STK38L: variants seen among roughly 807,000 people sequenced by gnomAD.
STK38L encodes the protein serine/threonine kinase 38 like.
Under a neutral mutation model 59.7 loss-of-function variants are expected in STK38L, and 28 were observed. That is an observed-to-expected ratio of 0.47 (90% CI 0.35 to 0.64). The LOEUF (loss-of-function observed/expected upper bound fraction) is 0.64, where lower values mean the gene tolerates loss of function less well. Ranked by LOEUF, STK38L falls within the 30% of genes least tolerant of loss-of-function variation. The pLI is 0.01. For synonymous variants in STK38L, 162 were observed against 176.8 expected, an observed-to-expected ratio of 0.92 and a Z score of 0.66; for missense variants, 314 against 555.8, an observed-to-expected ratio of 0.56 and a Z score of 4.37.
chr12:27,272,436 C>G (rs1308929704), intron 1 of STK38L, among the ~76,000 whole-genome samples: 1 of 152,126 alleles, frequency 6.6e-6, no homozygotes, highest in East Asian at 1.9e-4. Context: ...CTTTGTTTTC[C>G]TTTTGATTTC....
intron 3 of STK38L, among the ~76,000 whole-genome samples, chr12:27,307,013 G>GCCA (rs763053831): frequency 3.9e-5 from 6 of 152,136 alleles, no homozygotes; most frequent in Non-Finnish European, 7.3e-5. Flanking sequence ...ATAGGCGTGA[G>GCCA]CCACCACACC....
chr12:27,322,642 C>T lies in STK38L; in HGVS notation c.*187C>T, dbSNP rs1944758407. Reference sequence around the variant, plus strand: ...AATTGGTTGGCAGTGCCAGCTGGCTCTTTTTTTTAATATTTTATTATTTTT... The same window carrying T: ...AATTGGTTGGCAGTGCCAGCTGGCTTTTTTTTTTAATATTTTATTATTTTT... On this transcript the variant is annotated 3_prime_UTR_variant, in exon 14 of 14. Transcript: ENST00000389032. The T allele has an allele frequency of 3.5e-6, 2 of 573,394 alleles. No individual in the cohort carries two copies. Among genetic ancestry groups the T allele is most frequent in the Non-Finnish European group, 5.4e-6 (2 of 373,094 alleles). 35.5% of individuals were successfully genotyped at this position (573,394 alleles called of 1,614,324 possible). A position where few individuals can be genotyped will look rare whatever the true frequency, so the allele number is the denominator to read the frequency against.
rs189990264 is a variant in STK38L at position 27,304,250 on chromosome 12, G to A, written c.186+2062G>A. Among the ~76,000 whole-genome samples, 809 of 119,720 alleles carry A rather than the reference G, an allele frequency of 6.8e-3. 15 individuals carry two copies. The highest frequency in any genetic ancestry group is 0.025 in the African/African-American group (749 of 30,042). The allele number at this position is 119,720 out of a possible 152,430, so 78.5% of individuals were successfully genotyped here. On this transcript the variant is annotated intron_variant, in intron 3 of 13. Coordinates refer to ENST00000389032, the MANE Select transcript of STK38L (RefSeq NM_015000.4). The stretch of plus-strand genomic sequence containing the variant: ...CTCCAGCCTGGGTGACAGGGTGAGA[G>A]TCTGTCTCAAAAAAAAAAAAAAAAA...
chr12:27,319,186 C>T, intron 11 of STK38L, 142 bp from the exon 12 acceptor site: 1 of 563,792 alleles, frequency 1.8e-6, no homozygotes, highest in South Asian at 2.7e-5. Flanking sequence ...TTATTTTCTT[C>T]CACATTTCCT....
In STK38L at chr12:27,254,740, G is replaced by GA. The variant is rs59906970; in HGVS notation, c.-12+10411dup. ...AAAAGATCATGGGCACTCTCAGGAG[G>GA]AAAGTGAAAGGAACAGAAGGAGGAA... is the stretch of plus-strand genomic sequence containing the variant. On this transcript the variant is annotated intron_variant, in intron 1 of 13. Transcript: ENST00000389032. 3.6e-3 allele frequency among the ~76,000 whole-genome samples: 549 copies of GA among 152,266 alleles called. 29 individuals carry two copies. In the East Asian group the frequency reaches 0.088, roughly 24 times the overall value.
At chr12:27,293,915 T>C (rs1371757294) in intron 1 of STK38L, among the ~76,000 whole-genome samples, 1 of 152,264 alleles carries the variant, frequency 6.6e-6, no homozygotes, top group Non-Finnish European at 1.5e-5. Context: ...AACCACTTTA[T>C]AAATTTTTAT....
At chr12:27,304,513 T>A (rs1944261839) in intron 3 of STK38L, among the ~76,000 whole-genome samples, 1 of 152,146 alleles carries the variant, frequency 6.6e-6, no homozygotes, top group African/African-American at 2.4e-5. Flanking sequence ...ATTATTTACA[T>A]GTCATTAATA....
At chr12:27,246,180 A>G (rs542603021) in intron 1 of STK38L, among the ~76,000 whole-genome samples, 6 of 152,360 alleles carry the variant, frequency 3.9e-5, no homozygotes, top group Non-Finnish European at 7.3e-5. Context: ...CTAAAAAATG[A>G]TAACAAAGCA....
rs1470477083 is a variant in STK38L, at chr12:27,281,330, C to T, written c.-11-16380C>T. Among the ~76,000 whole-genome samples the T allele has an allele frequency of 5.3e-4, 2 of 3,760 alleles. 1 individual carries two copies. Among genetic ancestry groups the T allele is most frequent in the Admixed American group, 2.6e-3 (2 of 768 alleles). 2.5% of individuals were successfully genotyped at this position (3,760 alleles called of 152,430 possible). A position where few individuals can be genotyped will look rare whatever the true frequency, so the allele number is the denominator to read the frequency against. On this transcript the variant is annotated intron_variant, in intron 1 of 13. Coordinates refer to ENST00000389032, the MANE Select transcript of STK38L (RefSeq NM_015000.4). ...TCGATCTCCTGACCTCGTGATCCGC[C>T]CGCCTCGGCCTCCCAAAGTGCTGGG...
intron 1 of STK38L, among the ~76,000 whole-genome samples, chr12:27,282,702 T>A (rs1208287307): frequency 6.6e-6 from 1 of 152,166 alleles, no homozygotes; most frequent in Non-Finnish European, 1.5e-5. Context: ...CAATTGCACA[T>A]CTGGAAGTAT....
intron 1 of STK38L, among the ~76,000 whole-genome samples, chr12:27,287,334 T>C (rs555141951): frequency 6.6e-6 from 1 of 152,248 alleles, no homozygotes; most frequent in East Asian, 1.9e-4. Flanking sequence ...GGTCTCAAAC[T>C]CCTGACCTCA....
chr12:27,257,214 A>C (rs537079573), intron 1 of STK38L, among the ~76,000 whole-genome samples: 1 of 152,348 alleles, frequency 6.6e-6, no homozygotes, highest in African/African-American at 2.4e-5. Context: ...GAGAATCTAC[A>C]GGGGAAGCCA....
chr12:27,299,976 G>C (rs367914120), intron 2 of STK38L, among the ~76,000 whole-genome samples: 2 of 152,258 alleles, frequency 1.3e-5, no homozygotes, highest in African/African-American at 4.8e-5. Flanking sequence ...TCCTGGGAGA[G>C]TGAATAAAGT....
At chr12:27,305,314 A>G (rs1228464562) in intron 3 of STK38L, among the ~76,000 whole-genome samples, 1 of 152,200 alleles carries the variant, frequency 6.6e-6, no homozygotes, top group Middle Eastern at 3.2e-3. Context: ...ATTTACAGCT[A>G]TTTTCTCTAA....
At chr12:27,316,400 C>T (rs766514139) in intron 9 of STK38L, among the ~76,000 whole-genome samples, 23 of 152,072 alleles carry the variant, frequency 1.5e-4, no homozygotes, top group Non-Finnish European at 2.6e-4. Flanking sequence ...GAATTCTGTA[C>T]CCCCCTATTT....
intron 6 of STK38L, 149 bp from the exon 7 acceptor site, chr12:27,314,355 C>T: frequency 3.8e-6 from 2 of 522,058 alleles, no homozygotes; most frequent in Non-Finnish European, 5.9e-6. Flanking sequence ...GAGCCATGAT[C>T]ACACCACTGC....
intron 9 of STK38L, among the ~76,000 whole-genome samples, chr12:27,316,485 C>G (rs998326632): frequency 2.0e-5 from 3 of 152,056 alleles, no homozygotes; most frequent in African/African-American, 7.2e-5. Flanking sequence ...AGCCTTAGAT[C>G]GAGTGTTTCC....
intron 1 of STK38L, among the ~76,000 whole-genome samples, chr12:27,291,779 T>C (rs535228019): frequency 1.4e-4 from 21 of 152,322 alleles, no homozygotes; most frequent in African/African-American, 5.1e-4. Flanking sequence ...CGAATTTTTA[T>C]ACTACAAGGC....
chr12:27,313,271 T>C, intron 6 of STK38L, among the ~76,000 whole-genome samples: 1 of 148,854 alleles, frequency 6.7e-6, no homozygotes, highest in Admixed American at 6.7e-5. Flanking sequence ...AAAAAATACC[T>C]GAGACTGTGT....
Sources: allele counts gnomAD v4.1 joint callset (sites outside exome capture counted in the v4.1 genomes callset), GRCh38; gene constraint gnomAD v4.1.1; transcripts MANE v1.5; gene names NCBI Gene and HGNC (gene_info 2026-07-23, HGNC 2026-07-21).